SLC12A7: variants seen among roughly 807,000 people sequenced by gnomAD.
SLC12A7 encodes the protein solute carrier family 12 member 7, also known as K-Cl cotransporter 4.
Under a neutral mutation model 120.6 loss-of-function variants are expected in SLC12A7, and 100 were observed. That is an observed-to-expected ratio of 0.83 (90% CI 0.71 to 0.98). SLC12A7 has a LOEUF of 0.98. Among genes scored for constraint, SLC12A7 ranks in the 50% least tolerant of loss-of-function variants. The probability of loss-of-function intolerance (pLI) is 0.00; values close to 1 mark genes in which losing one functional copy is unlikely to be tolerated. For missense variants in SLC12A7, 1,373 were observed against 1,548.1 expected (o/e 0.89, Z 1.90); for synonymous variants, 760 against 678.0 (o/e 1.12, Z -1.88).
intron 5 of SLC12A7, among the ~76,000 whole-genome samples, chr5:1,088,048 C>T (rs1252345823): frequency 6.6e-6 from 1 of 152,214 alleles, no homozygotes; most frequent in African/African-American, 2.4e-5. Context: ...TCCCCCTCCC[C>T]AGCCCGCTGC....
chr5:1,052,524 G>C, intron 23 of SLC12A7, 73 bp from the exon 24 acceptor site: 2 of 1,236,692 alleles, frequency 1.6e-6, no homozygotes, highest in South Asian at 1.2e-5. Flanking sequence ...ATAGGAGTGA[G>C]GTTTATCCTC....
chr5:1,144,095 C>T, the SLC12A7 span, among the ~76,000 whole-genome samples: 6 of 152,218 alleles, frequency 3.9e-5, no homozygotes, highest in South Asian at 4.1e-4. Context: ...GGGGCACACC[C>T]GCCAACCTCA....
intron 20 of SLC12A7, among the ~76,000 whole-genome samples, chr5:1,061,526 G>GCGTCTCACCCA (rs1453465362): frequency 7.5e-6 from 1 of 133,754 alleles, no homozygotes; most frequent in African/African-American, 3.0e-5. Flanking sequence ...CGCCGCACCT[G>GCGTCTCACCCA]CCGCATCCGC....
At chr5:1,083,716 A>G in intron 8 of SLC12A7, 29 bp downstream of exon 8, 1 of 1,606,238 alleles carries the variant, frequency 6.2e-7, no homozygotes, top group Non-Finnish European at 8.5e-7. Flanking sequence ...GCCACCCCCC[A>G]GCTCCAGCTG....
chr5:1,141,025 G>A, the SLC12A7 span, among the ~76,000 whole-genome samples: 188 of 152,322 alleles, frequency 1.2e-3, 1 homozygote, highest in African/African-American at 4.2e-3. Flanking sequence ...CGCTCGGGCC[G>A]CTGTGGAAAT....
At chr5:1,056,405 C>T (rs750156320) in intron 22 of SLC12A7, among the ~76,000 whole-genome samples, 6 of 152,138 alleles carry the variant, frequency 3.9e-5, no homozygotes, top group African/African-American at 9.7e-5. Flanking sequence ...AGGAAACTGA[C>T]GTGGGAGCCG....
At chr5:1,102,561 G>A (rs1742122354) in intron 1 of SLC12A7, among the ~76,000 whole-genome samples, 2 of 152,336 alleles carry the variant, frequency 1.3e-5, no homozygotes, top group East Asian at 1.9e-4. Flanking sequence ...GACAGCCTCC[G>A]CCCCTTCCTG....
chr5:1,116,447 T>A (rs758893478), upstream of SLC12A7, among the ~76,000 whole-genome samples: 3 of 152,214 alleles, frequency 2.0e-5, no homozygotes, highest in African/African-American at 7.2e-5. Flanking sequence ...AATCTGGGAA[T>A]AGAAGGGGCC....
chr5:1,078,210 C>G lies in SLC12A7; in HGVS notation c.1455-203G>C, dbSNP rs373781531. ...CCAGAATGCTCTGGAGGGTCTTCAG[C>G]GGGGGAGGGGGTCCTGCTCACCTCA... is the stretch of plus-strand genomic sequence containing the variant. On this transcript the variant is annotated intron_variant, in intron 11 of 23. Coordinates refer to ENST00000264930, the MANE Select transcript of SLC12A7 (RefSeq NM_006598.3). 3.0e-3 allele frequency among the ~76,000 whole-genome samples: 455 copies of G among 152,174 alleles called. 4 individuals carry two copies. The highest frequency in any genetic ancestry group is 0.013 in the South Asian group (63 of 4,822).
chr5:1,117,867 C>T, the SLC12A7 span, among the ~76,000 whole-genome samples: 1 of 152,138 alleles, frequency 6.6e-6, no homozygotes, highest in African/African-American at 2.4e-5. This position sits in a 1 kb window ranked among gnomAD's most constrained non-coding sequence, Gnocchi z 4.5. Flanking sequence ...GTCAGGAGAT[C>T]GAGACCATCC....
chr5:1,133,876 G>A, the SLC12A7 span, among the ~76,000 whole-genome samples: 1 of 152,144 alleles, frequency 6.6e-6, no homozygotes, highest in Non-Finnish European at 1.5e-5. Flanking sequence ...ACCAGAGAGG[G>A]TTGTGTGGAG....
In SLC12A7 at chr5:1,084,727, G is replaced by A. The variant is rs371232953; in HGVS notation, c.917+505C>T. ...CTCCACGCAGAGACGGCAAAACCGC[G>A]GGAGCCTCAAGGGGCTTGGCTGCTG... On this transcript the variant is annotated intron_variant, in intron 7 of 23. Coordinates refer to ENST00000264930, the MANE Select transcript of SLC12A7 (RefSeq NM_006598.3). Among the ~76,000 whole-genome samples the A allele has an allele frequency of 3.7e-3, 556 of 152,260 alleles. 5 individuals carry two copies. Among genetic ancestry groups the A allele is most frequent in the African/African-American group, 0.012 (508 of 41,558 alleles).
chr5:1,132,736 C>T, the SLC12A7 span, among the ~76,000 whole-genome samples: 2 of 152,200 alleles, frequency 1.3e-5, no homozygotes, highest in East Asian at 3.9e-4. Context: ...GGCGTGTGCC[C>T]AGCTTGCTTC....
the SLC12A7 span, among the ~76,000 whole-genome samples, chr5:1,133,815 C>T: frequency 5.9e-5 from 9 of 152,240 alleles, no homozygotes; most frequent in Non-Finnish European, 1.2e-4. Context: ...ATAGCTTTCC[C>T]AGTAATCCCA....
the SLC12A7 span, among the ~76,000 whole-genome samples, chr5:1,129,471 C>A: frequency 1.3e-5 from 2 of 152,112 alleles, no homozygotes; most frequent in Admixed American, 6.5e-5. Context: ...AGGGACAGAA[C>A]CAGGCGCCCT....
At chr5:1,130,305 G>T in the SLC12A7 span, among the ~76,000 whole-genome samples, 104 of 152,284 alleles carry the variant, frequency 6.8e-4, no homozygotes, top group Non-Finnish European at 1.1e-3. Flanking sequence ...AAGGGACCTG[G>T]GCAGGCACCT....
At chr5:1,057,410 TCACTGCCGGGCCAG>T (rs1735731898) in intron 22 of SLC12A7, 47 bp downstream of exon 22, 1 of 1,514,356 alleles carries the variant, frequency 6.6e-7, no homozygotes, top group Non-Finnish European at 8.9e-7. Context: ...GACTCTGTCC[TCACTGCCGGGCCAG>T]CACTGCCAGG....
Position 1,050,959 on chromosome 5 carries a change from G to T in SLC12A7, c.*1401C>A. 1 of 398,592 alleles carries T rather than the reference G, an allele frequency of 2.5e-6. No homozygotes were observed. Among genetic ancestry groups the T allele is most frequent in the East Asian group, 3.6e-5 (1 of 28,088 alleles). The allele number at this position is 398,592 out of a possible 1,614,324, so 24.7% of individuals were successfully genotyped here. On this transcript the variant is annotated 3_prime_UTR_variant, in exon 24 of 24. Coordinates refer to ENST00000264930, the MANE Select transcript of SLC12A7 (RefSeq NM_006598.3). ...TGGGAGACCATGCAAGCCAGACGTA[G>T]CCCAAGGCCTGGCCATCTGGGGCCT...
intron 7 of SLC12A7, among the ~76,000 whole-genome samples, chr5:1,084,235 G>A (rs866565505): frequency 2.6e-5 from 4 of 152,316 alleles, no homozygotes; most frequent in Admixed American, 6.5e-5. Context: ...CTGTACAGCC[G>A]TCCCCTCATC....
Sources: allele counts gnomAD v4.1 joint callset (sites outside exome capture counted in the v4.1 genomes callset), GRCh38; gene constraint gnomAD v4.1.1; non-coding constraint Gnocchi (gnomAD v3.1); transcripts MANE v1.5; gene names NCBI Gene and HGNC (gene_info 2026-07-23, HGNC 2026-07-21).